CDH10: variants seen among roughly 807,000 people sequenced by gnomAD.
CDH10 encodes cadherin-10.
In CDH10, 30 loss-of-function variants were observed where a neutral mutation model predicts 73.1. The ratio of observed to expected loss-of-function variants is 0.41; its 90% CI spans 0.31 to 0.56. The LOEUF (loss-of-function observed/expected upper bound fraction) is 0.56, where lower values mean the gene tolerates loss of function less well. Ranked by LOEUF, CDH10 falls within the 20% of genes least tolerant of loss-of-function variation. The pLI, the probability that CDH10 is intolerant of heterozygous loss-of-function variation, is 0.27. For missense variants in CDH10, 815 were observed against 973.7 expected (o/e 0.84, Z 2.17); for synonymous variants, 345 against 348.2 (o/e 0.99, Z 0.10).
chr5:24,537,322 TTTC>T (rs1304352514), intron 3 of CDH10, 55 bp downstream of exon 3: 1 of 1,124,922 alleles, frequency 8.9e-7, no homozygotes, highest in Non-Finnish European at 1.3e-6. Context: ...ATTATAAGAA[TTTC>T]TTGATTTTTA....
intron 7 of CDH10, among the ~76,000 whole-genome samples, chr5:24,507,363 C>T (rs899973709): frequency 6.8e-6 from 1 of 147,982 alleles, no homozygotes; most frequent in Admixed American, 6.7e-5. Flanking sequence ...TAATATTATA[C>T]CTAAGAGTAT....
chr5:24,508,800 T>C (rs1742790494), intron 7 of CDH10, among the ~76,000 whole-genome samples: 1 of 152,208 alleles, frequency 6.6e-6, no homozygotes, highest in South Asian at 2.1e-4. Flanking sequence ...ATTACAGGTG[T>C]GAACCAGCAC....
chr5:24,501,749 T>G (rs543031768), intron 8 of CDH10, among the ~76,000 whole-genome samples: 1 of 152,266 alleles, frequency 6.6e-6, no homozygotes, highest in African/African-American at 2.4e-5. Context: ...ATAGAGTTCT[T>G]TAGTCATAAA....
chr5:24,555,518 T>A (rs1042571582), intron 2 of CDH10, among the ~76,000 whole-genome samples: 4 of 152,110 alleles, frequency 2.6e-5, no homozygotes, highest in African/African-American at 9.7e-5. Context: ...TAGTATCAGT[T>A]TCTCTTGCCC....
intron 5 of CDH10, among the ~76,000 whole-genome samples, chr5:24,530,412 A>G (rs900680645): frequency 1.3e-5 from 2 of 151,944 alleles, no homozygotes; most frequent in African/African-American, 4.8e-5. Flanking sequence ...GACCTTTCCA[A>G]TGATCAGTTT....
At chr5:24,554,105 G>GAGAGAGA in intron 2 of CDH10, 1 of 5,352 alleles carries the variant, frequency 1.9e-4, no homozygotes, top group African/African-American at 3.3e-4. Flanking sequence ...GAGAAGGGGA[G>GAGAGAGA]GTGGGCGGGG....
intron 5 of CDH10, among the ~76,000 whole-genome samples, chr5:24,518,973 C>T (rs1157903335): frequency 6.7e-6 from 1 of 148,658 alleles, no homozygotes; most frequent in Admixed American, 6.9e-5. Context: ...TCACTGCAAC[C>T]TCCACCTCCT....
intron 1 of CDH10, among the ~76,000 whole-genome samples, chr5:24,634,691 A>G (rs1747812286): frequency 6.6e-6 from 1 of 151,782 alleles, no homozygotes; most frequent in Admixed American, 6.6e-5. Context: ...TATAACTTTC[A>G]GCTAGGTTTA....
At chr5:24,626,190 T>C (rs1018858003) in intron 1 of CDH10, among the ~76,000 whole-genome samples, 1 of 152,188 alleles carries the variant, frequency 6.6e-6, no homozygotes, top group African/African-American at 2.4e-5. Context: ...AACAATGTGG[T>C]TGACGACTAT....
intron 2 of CDH10, among the ~76,000 whole-genome samples, chr5:24,591,704 C>A (rs1746204230): frequency 6.6e-6 from 1 of 151,760 alleles, no homozygotes; most frequent in Non-Finnish European, 1.5e-5. Flanking sequence ...ACTCTAAGAG[C>A]TTAATACTCT....
intron 2 of CDH10, among the ~76,000 whole-genome samples, chr5:24,584,445 CTT>C (rs34192671): frequency 0.017 from 465 of 28,082 alleles, 4 homozygotes; most frequent in Non-Finnish European, 0.028. Context: ...CTTTCTTTTC[CTT>C]TTTTTTTTTT....
chr5:24,615,030 C>T (rs1370934718), intron 1 of CDH10, among the ~76,000 whole-genome samples: 1 of 152,146 alleles, frequency 6.6e-6, no homozygotes, highest in African/African-American at 2.4e-5. Context: ...ACCTCCCCAA[C>T]AAGTAGACAT....
intron 2 of CDH10, among the ~76,000 whole-genome samples, chr5:24,589,665 G>A (rs533358137): frequency 6.6e-5 from 10 of 152,070 alleles, no homozygotes; most frequent in African/African-American, 2.4e-4. Flanking sequence ...ACAACTAAAA[G>A]TAAATTCAAG....
At chr5:24,522,006 C>G (rs544115847) in intron 5 of CDH10, among the ~76,000 whole-genome samples, 21 of 151,926 alleles carry the variant, frequency 1.4e-4, no homozygotes, top group African/African-American at 5.1e-4. Context: ...TGGTGGCAGG[C>G]GCCTGTAGTC....
At chr5:24,580,320 A>G (rs1268621141) in intron 2 of CDH10, among the ~76,000 whole-genome samples, 1 of 152,092 alleles carries the variant, frequency 6.6e-6, no homozygotes, top group East Asian at 1.9e-4. Flanking sequence ...CTTTTGTTTA[A>G]CTATTTTTAT....
chr5:24,609,556 G>C (rs1005123382), intron 1 of CDH10, among the ~76,000 whole-genome samples: 9 of 152,132 alleles, frequency 5.9e-5, no homozygotes, highest in African/African-American at 2.2e-4. Flanking sequence ...AATATGTTAA[G>C]ACAACCACAC....
intron 2 of CDH10, among the ~76,000 whole-genome samples, chr5:24,543,899 A>T (rs151144531): frequency 1.4e-4 from 21 of 152,328 alleles, no homozygotes; most frequent in African/African-American, 5.0e-4. Context: ...TGCTGGCAAT[A>T]TAGTCCTCCA....
At chr5:24,568,692 T>C (rs919993761) in intron 2 of CDH10, among the ~76,000 whole-genome samples, 17 of 152,146 alleles carry the variant, frequency 1.1e-4, no homozygotes, top group African/African-American at 3.9e-4. Context: ...GATATTTGTA[T>C]AGCAATGTTC....
rs192167352 is a variant in CDH10 at position 24,569,768 on chromosome 5, T to C, written c.231+23492A>G. On this transcript the variant is annotated intron_variant, in intron 2 of 11. Coordinates refer to ENST00000264463, the MANE Select transcript of CDH10 (RefSeq NM_006727.5). The stretch of plus-strand genomic sequence containing the variant: ...ATCTTTATGTGAACAAATGTGTGCT[T>C]TTTTTTTTTTTATTGATGGAGTCTT... Among the ~76,000 whole-genome samples, 76 of 146,922 alleles carry C rather than the reference T, an allele frequency of 5.2e-4. 1 individual carries two copies. Among genetic ancestry groups the C allele is most frequent in the African/African-American group, 1.8e-3 (74 of 40,500 alleles).
Sources: gnomAD v4.1 joint callset for allele counts (sites outside exome capture counted in the v4.1 genomes callset) on GRCh38, gnomAD v4.1.1 for gene constraint, MANE v1.5 for transcripts, NCBI Gene and HGNC (gene_info 2026-07-23, HGNC 2026-07-21) for gene names.